PAN3: variants seen among roughly 807,000 people sequenced by gnomAD.
PAN3 encodes poly(A) specific ribonuclease subunit PAN3.
In PAN3, 19 loss-of-function variants were observed where a neutral mutation model predicts 96.2. That is an observed-to-expected ratio of 0.20 (90% CI 0.14 to 0.29). PAN3 has a LOEUF of 0.29. PAN3 is among the 10% of genes least tolerant of loss of function. The pLI is 1.00. For missense variants in PAN3, 882 were observed against 1,108.1 expected (o/e 0.80, Z 2.90); for synonymous variants, 433 against 406.6 (o/e 1.06, Z -0.78).
intron 1 of PAN3, among the ~76,000 whole-genome samples, chr13:28,157,336 C>T (rs758519375): frequency 8.5e-5 from 13 of 152,132 alleles, no homozygotes; most frequent in African/African-American, 1.9e-4. Flanking sequence ...CACTGCTATT[C>T]GACATAGTAC....
intron 7 of PAN3, among the ~76,000 whole-genome samples, 161 bp downstream of exon 7, chr13:28,256,700 AAATT>A (rs1404437486): frequency 3.3e-5 from 5 of 152,188 alleles, no homozygotes; most frequent in Non-Finnish European, 2.9e-5. Flanking sequence ...TCAACTCTTC[AAATT>A]AATCTAGTTC....
chr13:28,292,129 A>C (rs1358492434), intron 18 of PAN3, among the ~76,000 whole-genome samples: 1 of 152,170 alleles, frequency 6.6e-6, no homozygotes, highest in Non-Finnish European at 1.5e-5. Flanking sequence ...AAAATTATGG[A>C]GCATCAACTG....
chr13:28,181,039 TGAGGAATGTATA>T (rs765257470), intron 4 of PAN3, among the ~76,000 whole-genome samples: 6 of 152,262 alleles, frequency 3.9e-5, no homozygotes, highest in Middle Eastern at 3.4e-3. Context: ...TTTTTGTGGA[TGAGGAATGTATA>T]GAGGCAAAGA....
intron 6 of PAN3, chr13:28,232,429 ATATAT>A (rs1371074110): frequency 6.6e-6 from 1 of 152,052 alleles, no homozygotes; most frequent in Non-Finnish European, 1.5e-5. Context: ...TTTAAATGGG[ATATAT>A]TATATTTGCA....
chr13:28,206,739 T>G lies in PAN3; in HGVS notation c.852+9393T>G, dbSNP rs551091944. ...TAGCTCTTAGATTGTTATTAGTGGG[T>G]TTTTTTTTTTTGTAAGACTTCTTGG... On this transcript the variant is annotated intron_variant, in intron 5 of 18. Coordinates refer to ENST00000380958, the MANE Select transcript of PAN3 (RefSeq NM_175854.8). 4.6e-4 allele frequency among the ~76,000 whole-genome samples: 51 copies of G among 110,154 alleles called. 2 individuals carry two copies. The highest frequency in any genetic ancestry group is 1.7e-3 in the African/African-American group (33 of 19,684). The allele number at this position is 110,154 out of a possible 152,430, so 72.3% of individuals were successfully genotyped here.
At chr13:28,282,131 T>G (rs1887523678) in intron 17 of PAN3, among the ~76,000 whole-genome samples, 1 of 152,220 alleles carries the variant, frequency 6.6e-6, no homozygotes, top group Non-Finnish European at 1.5e-5. Context: ...CATTACCTTT[T>G]ACACTATTTG....
chr13:28,196,195 T>C (rs1878036427), intron 4 of PAN3, among the ~76,000 whole-genome samples: 1 of 152,062 alleles, frequency 6.6e-6, no homozygotes, highest in African/African-American at 2.4e-5. Context: ...TTTAACTCTT[T>C]GTTTCAGCAG....
At chr13:28,201,963 C>T (rs1878755313) in intron 5 of PAN3, among the ~76,000 whole-genome samples, 1 of 152,120 alleles carries the variant, frequency 6.6e-6, no homozygotes, top group Non-Finnish European at 1.5e-5. Context: ...CATATATTCT[C>T]CTATACTCCT....
At chr13:28,144,159 A>G (rs1321633304) in intron 1 of PAN3, among the ~76,000 whole-genome samples, 1 of 150,040 alleles carries the variant, frequency 6.7e-6, no homozygotes, top group Non-Finnish European at 1.5e-5. Context: ...TTTACATTCT[A>G]GTGGGGCTAT....
intron 1 of PAN3, among the ~76,000 whole-genome samples, chr13:28,155,052 G>A (rs1011128512): frequency 2.7e-5 from 4 of 149,674 alleles, no homozygotes; most frequent in African/African-American, 7.4e-5. Flanking sequence ...TCCTGACCTC[G>A]TGATCCACCC....
intron 6 of PAN3, among the ~76,000 whole-genome samples, chr13:28,221,434 T>TG (rs1881401520): frequency 6.6e-6 from 1 of 152,144 alleles, no homozygotes; most frequent in East Asian, 1.9e-4. Flanking sequence ...GAACTGGTAC[T>TG]GTCTCCAGGG....
intron 4 of PAN3, among the ~76,000 whole-genome samples, chr13:28,189,715 C>T (rs753439898): frequency 6.6e-6 from 1 of 152,068 alleles, no homozygotes; most frequent in Non-Finnish European, 1.5e-5. Context: ...AACTTTAGTA[C>T]TCAAAGTGCG....
chr13:28,182,685 G>A (rs904111250), intron 4 of PAN3, among the ~76,000 whole-genome samples: 1 of 152,132 alleles, frequency 6.6e-6, no homozygotes, highest in Non-Finnish European at 1.5e-5. Context: ...TCTGCTGATA[G>A]CTTATTTTTG....
intron 17 of PAN3, among the ~76,000 whole-genome samples, chr13:28,282,340 G>GTT (rs11406834): frequency 0.019 from 2,722 of 143,716 alleles, 93 homozygotes; most frequent in African/African-American, 0.065. Context: ...TTGAGGGGTT[G>GTT]TTTTTTTTTT....
chr13:28,142,536 A>G (rs568271554), intron 1 of PAN3, among the ~76,000 whole-genome samples: 2 of 105,998 alleles, frequency 1.9e-5, no homozygotes, highest in African/African-American at 1.2e-4. Flanking sequence ...TTTTTGAGAC[A>G]GGGACCACAG....
At position 28,261,437 on chromosome 13, in the gene PAN3, A is replaced by C; in HGVS notation, c.1390A>C (p.Ile464Leu). Residue 464 changes from isoleucine to leucine, a missense_variant, in exon 9 of 19, where the codon ATT becomes CTT. Physicochemically the swap from Ile to Leu is conservative, Grantham distance 5. Coordinates refer to ENST00000380958, the MANE Select transcript of PAN3 (RefSeq NM_175854.8). Reference sequence around the variant, plus strand: ...CAGACATTTAATAACAATGGCTCAAATTGATCAAGCAGATATGCCAGGTAA... The same window carrying C: ...CAGACATTTAATAACAATGGCTCAACTTGATCAAGCAGATATGCCAGGTAA... Reference protein sequence around the residue: ...INRHLITMAQIDQADMPAVPT... With the variant: ...INRHLITMAQLDQADMPAVPT... 1 of 1,611,036 alleles carries C rather than the reference A, an allele frequency of 6.2e-7. No individual in the cohort carries two copies. The highest frequency in any genetic ancestry group is 8.5e-7 in the Non-Finnish European group (1 of 1,178,314).
intron 6 of PAN3, among the ~76,000 whole-genome samples, chr13:28,233,676 C>T (rs1882821614): frequency 2.0e-5 from 3 of 152,082 alleles, no homozygotes; most frequent in Admixed American, 2.0e-4. Context: ...TGTGTTTGAA[C>T]ATTTATTCCT....
At chr13:28,208,477 T>C (rs1319786126) in intron 5 of PAN3, among the ~76,000 whole-genome samples, 1 of 152,196 alleles carries the variant, frequency 6.6e-6, no homozygotes, top group Admixed American at 6.5e-5. Context: ...TTCTTTTAAG[T>C]ACAGGTTCAG....
chr13:28,276,034 A>T (rs1887028699), intron 14 of PAN3, among the ~76,000 whole-genome samples: 1 of 152,178 alleles, frequency 6.6e-6, no homozygotes, highest in Admixed American at 6.5e-5. Context: ...CTAGAATTTC[A>T]CTAATGATTG....
Sources: allele counts gnomAD v4.1 joint callset (sites outside exome capture counted in the v4.1 genomes callset), GRCh38; gene constraint gnomAD v4.1.1; transcripts MANE v1.5; gene names NCBI Gene and HGNC (gene_info 2026-07-23, HGNC 2026-07-21).